MYRF: variants seen among roughly 807,000 people sequenced by gnomAD.
The protein encoded by MYRF is myelin gene regulatory factor.
A neutral mutation model predicts 126.3 loss-of-function variants in MYRF; 16 were observed. The ratio of observed to expected loss-of-function variants is 0.13; its 90% CI spans 0.09 to 0.19. The LOEUF is 0.19. MYRF is among the 10% of genes least tolerant of loss of function. The probability of loss-of-function intolerance (pLI) is 1.00; values close to 1 mark genes in which losing one functional copy is unlikely to be tolerated. For synonymous variants in MYRF, 608 were observed against 635.3 expected, an observed-to-expected ratio of 0.96 and a Z score of 0.65; for missense variants, 1,104 against 1,547.0, an observed-to-expected ratio of 0.71 and a Z score of 4.80.
intron 1 of MYRF, among the ~76,000 whole-genome samples, chr11:61,758,335 C>T (rs1297610740): frequency 1.3e-5 from 2 of 152,232 alleles, no homozygotes; most frequent in African/African-American, 2.4e-5. Context: ...CCTCACTCCC[C>T]TCTCTTCTCC....
intron 8 of MYRF, 111 bp from the exon 9 acceptor site, chr11:61,775,945 C>T (rs2066369782): frequency 1.0e-6 from 1 of 991,688 alleles, no homozygotes; most frequent in South Asian, 1.4e-5. Flanking sequence ...CTGGGTGCTG[C>T]CCTGTTTCCT....
intron 5 of MYRF, 138 bp from the exon 6 acceptor site, chr11:61,771,362 G>GTT: frequency 8.4e-7 from 1 of 1,190,378 alleles, no homozygotes; most frequent in East Asian, 2.5e-5. Context: ...AAAGCCTGAG[G>GTT]GCTTCCTGAA....
At chr11:61,768,025 C>T (rs1226697230) in intron 3 of MYRF, among the ~76,000 whole-genome samples, 3 of 145,638 alleles carry the variant, frequency 2.1e-5, no homozygotes, top group Non-Finnish European at 3.0e-5. Context: ...GGCTGAGGCA[C>T]AAGAATCGTT....
At chr11:61,763,169 G>T (rs1167964957) in intron 1 of MYRF, among the ~76,000 whole-genome samples, 1 of 152,190 alleles carries the variant, frequency 6.6e-6, no homozygotes, top group African/African-American at 2.4e-5. Context: ...GTGGGGTGGG[G>T]AAGGCACAGC....
intron 1 of MYRF, 60 bp from the exon 2 acceptor site, chr11:61,765,565 G>T (rs2066032524): frequency 1.1e-5 from 16 of 1,422,632 alleles, no homozygotes; most frequent in Non-Finnish European, 1.4e-5. Flanking sequence ...GCTGGGCCCT[G>T]AAGCCCAGGG....
At position 61,757,377 on chromosome 11, in the gene MYRF, G is replaced by C. The variant is rs2065787985; in HGVS notation, c.46+4587G>C. The C allele has an allele frequency of 2.2e-6, 1 of 453,672 alleles. No homozygotes were observed. Among genetic ancestry groups the C allele is most frequent in the South Asian group, 1.6e-5 (1 of 64,500 alleles). 28.1% of individuals were successfully genotyped at this position (453,672 alleles called of 1,614,324 possible). A position where few individuals can be genotyped will look rare whatever the true frequency, so the allele number is the denominator to read the frequency against. On this transcript the variant is annotated intron_variant, in intron 1 of 26. Coordinates refer to ENST00000278836, the MANE Select transcript of MYRF (RefSeq NM_001127392.3). This position sits in a 1 kb window ranked among gnomAD's most constrained non-coding sequence, Gnocchi z 4.7. ...CCGCTTTCTCATCTGTAAAACGGGAGTGCAGTTGTAATGGCAGGGCCTCCG... is the reference window on the plus strand; with the variant it reads ...CCGCTTTCTCATCTGTAAAACGGGACTGCAGTTGTAATGGCAGGGCCTCCG...
At chr11:61,766,532 G>A (rs973094637) in intron 3 of MYRF, 3 of 388,208 alleles carry the variant, frequency 7.7e-6, no homozygotes, top group Admixed American at 4.2e-5. Flanking sequence ...GGCTGTGACT[G>A]TTTACCTTCA....
rs1490839289 is a variant in MYRF at position 61,781,300 on chromosome 11, C to T, written c.2735C>T (p.Pro912Leu). 6.2e-6 allele frequency: 10 copies of T among 1,614,010 alleles called. No individual in the cohort carries two copies. In the Admixed American group the frequency reaches 8.3e-5, roughly 13 times the overall value. ...TTTAACCCTGGCCATGTTCTCAGCC[C>T]AAGTCCCAGCCCCAGCACCAACCGC... Reference protein sequence around the residue: ...PSFNPGHVLSPSPSPSTNRSG... With the variant: ...PSFNPGHVLSLSPSPSTNRSG... The change falls in exon 21 of 27, where the codon CCA becomes CTA. Residue 912 changes from proline (P) to leucine (L), a missense_variant. Physicochemically the swap from Pro to Leu is moderately conservative, Grantham distance 98. This residue lies in a region of MYRF where 323 missense variants were observed against 383.1 expected (regional missense o/e 0.84). Transcript: ENST00000278836.
Position 61,776,380 on chromosome 11 carries a change from G to T in MYRF, c.1447G>T (p.Glu483Ter). ...KVTVGRLHFS[E>*]TTANNMRKKG... is the part of the protein sequence containing the mutation. The stretch of plus-strand genomic sequence containing the variant: ...GACTGTGGGGCGGCTGCACTTCAGC[G>T]AGACCACCGCTAACAACATGCGTAA... Residue 483 changes from glutamate (E) to a stop codon, truncating the protein, a stop_gained, in exon 10 of 27, where the codon GAG (glutamate) becomes TAG (stop). Coordinates refer to ENST00000278836, the MANE Select transcript of MYRF (RefSeq NM_001127392.3). LOFTEE classifies it high-confidence loss of function. This position sits in a 1 kb window ranked among gnomAD's most constrained non-coding sequence, Gnocchi z 4.3. 1 of 1,613,232 alleles carries T rather than the reference G, an allele frequency of 6.2e-7. No homozygotes were observed. Among genetic ancestry groups the T allele is most frequent in the South Asian group, 1.1e-5 (1 of 91,070 alleles).
rs753552599 is a variant in MYRF at position 61,778,767 on chromosome 11, G to A, written c.2013+278G>A. The A allele has an allele frequency of 3.1e-5, 19 of 606,412 alleles. No homozygotes were observed. The highest frequency in any genetic ancestry group is 8.5e-5 in the Admixed American group (4 of 46,898). The allele number at this position is 606,412 out of a possible 1,614,324, so 37.6% of individuals were successfully genotyped here. On this transcript the variant is annotated intron_variant, in intron 14 of 26. Transcript: ENST00000278836. The surrounding 1 kb of genome is among the most constrained non-coding windows in gnomAD (Gnocchi z 4.6). ...CTTCCACCCCCGGTAAAATGAGGGCGGTAATAGAACTGCACAGACATCCTC... is the reference window on the plus strand; with the variant it reads ...CTTCCACCCCCGGTAAAATGAGGGCAGTAATAGAACTGCACAGACATCCTC...
chr11:61,753,600 A>C (rs1591066393), intron 1 of MYRF, among the ~76,000 whole-genome samples: 1 of 147,820 alleles, frequency 6.8e-6, no homozygotes, highest in Non-Finnish European at 1.5e-5. Context: ...TGTCCCCCCA[A>C]CCCTGGAGCT....
At chr11:61,782,054 G>A (rs2066566779) in intron 22 of MYRF, 1 of 501,670 alleles carries the variant, frequency 2.0e-6, no homozygotes, top group Non-Finnish European at 3.4e-6. Flanking sequence ...TTGTTCAGCT[G>A]AAGAAATGGG....
At chr11:61,758,151 G>A (rs140872114) in intron 1 of MYRF, among the ~76,000 whole-genome samples, 211 of 152,202 alleles carry the variant, frequency 1.4e-3, no homozygotes, top group African/African-American at 5.0e-3. Context: ...GCCCCCTGCC[G>A]GCCTAGAGTA....
intron 17 of MYRF, 41 bp downstream of exon 17, chr11:61,779,971 A>G (rs1181755624): frequency 6.4e-7 from 1 of 1,563,608 alleles, no homozygotes; most frequent in African/African-American, 1.4e-5. Flanking sequence ...TGACTAGGGG[A>G]GTGGAGCTGC....
intron 16 of MYRF, 35 bp downstream of exon 16, chr11:61,779,605 AG>A: frequency 1.4e-6 from 2 of 1,463,894 alleles, no homozygotes; most frequent in African/African-American, 1.4e-5. Flanking sequence ...CGGGTTGGAA[AG>A]GGGGCCTCCC....
At chr11:61,755,852 C>T (rs1366318006) in intron 1 of MYRF, among the ~76,000 whole-genome samples, 2 of 152,160 alleles carry the variant, frequency 1.3e-5, no homozygotes, top group African/African-American at 2.4e-5. Flanking sequence ...GGAGGGAAGT[C>T]GCCTTCCAGC....
chr11:61,766,854 G>T, intron 3 of MYRF: 1 of 360,272 alleles, frequency 2.8e-6, no homozygotes, highest in South Asian at 2.1e-5. Flanking sequence ...CTGGGAGCAT[G>T]GGTCTGCAGG....
chr11:61,777,994 C>T lies in MYRF; in HGVS notation c.1903+149C>T. ...CATGCCTTCTAGAAGTCCCGCCCCTCGGACCTTGGAAAATCGCACCTCTCC... is the reference window on the plus strand; with the variant it reads ...CATGCCTTCTAGAAGTCCCGCCCCTTGGACCTTGGAAAATCGCACCTCTCC... On this transcript the variant is annotated intron_variant, in intron 13 of 26. Coordinates refer to ENST00000278836, the MANE Select transcript of MYRF (RefSeq NM_001127392.3). The surrounding 1 kb of genome is among the most constrained non-coding windows in gnomAD (Gnocchi z 8.8). 2 of 670,936 alleles carry T rather than the reference C, an allele frequency of 3.0e-6. No individual in the cohort carries two copies. The highest frequency in any genetic ancestry group is 5.1e-6 in the Non-Finnish European group (2 of 391,884). The allele number at this position is 670,936 out of a possible 1,614,324, so 41.6% of individuals were successfully genotyped here. A position where few individuals can be genotyped will look rare whatever the true frequency, so the allele number is the denominator to read the frequency against.
intron 1 of MYRF, among the ~76,000 whole-genome samples, 162 bp downstream of exon 1, chr11:61,752,952 C>G (rs1340446763): frequency 1.3e-5 from 2 of 152,022 alleles, no homozygotes; most frequent in Non-Finnish European, 1.5e-5. Context: ...GGCTGGGAGT[C>G]CCCCAGCGGT....
Sources: gnomAD v4.1 joint callset for allele counts (sites outside exome capture counted in the v4.1 genomes callset) on GRCh38, gnomAD v4.1.1 for gene constraint, gnomAD v4.1.1 regional missense constraint, Gnocchi (gnomAD v3.1) non-coding constraint, MANE v1.5 for transcripts, NCBI Gene and HGNC (gene_info 2026-07-23, HGNC 2026-07-21) for gene names.